The following MTMR9 variants were observed in gnomAD, a reference collection of about 807,000 sequenced individuals.
MTMR9 encodes the protein myotubularin-related protein 9.
A neutral mutation model predicts 69.5 loss-of-function variants in MTMR9; 39 were observed. The ratio of observed to expected loss-of-function variants is 0.56; its 90% confidence interval spans 0.43 to 0.73. The LOEUF (loss-of-function observed/expected upper bound fraction) is 0.73, where lower values mean the gene tolerates loss of function less well. MTMR9 is among the 30% of genes least tolerant of loss of function. The probability of loss-of-function intolerance (pLI) is 0.00; values close to 1 mark genes in which losing one functional copy is unlikely to be tolerated. For missense variants in MTMR9, 900 were observed against 671.2 expected (o/e 1.34, Z -3.77); for synonymous variants, 354 against 240.8 (o/e 1.47, Z -4.35).
At chr8:11,311,803 T>C (rs1410846226) in intron 6 of MTMR9, among the ~76,000 whole-genome samples, 1 of 152,220 alleles carries the variant, frequency 6.6e-6, no homozygotes, top group Admixed American at 6.5e-5. Flanking sequence ...TTACCCACGG[T>C]TGAACTTGCA....
the MTMR9 span, among the ~76,000 whole-genome samples, chr8:11,334,886 C>G: frequency 2.0e-5 from 3 of 152,042 alleles, no homozygotes; most frequent in Admixed American, 2.0e-4. Context: ...TCACAAAATC[C>G]AAAACTTTAT....
At chr8:11,301,013 A>T (rs1021012588) in intron 3 of MTMR9, among the ~76,000 whole-genome samples, 9 of 152,176 alleles carry the variant, frequency 5.9e-5, no homozygotes, top group African/African-American at 2.2e-4. Flanking sequence ...ATGAGACATC[A>T]GTGAATGGGT....
At chr8:11,310,075 G>T (rs1053485453) in intron 6 of MTMR9, among the ~76,000 whole-genome samples, 1 of 152,046 alleles carries the variant, frequency 6.6e-6, no homozygotes, top group Admixed American at 6.6e-5. Flanking sequence ...AAATATCAGC[G>T]AAAGGAAACG....
chr8:11,295,560 T>C (rs1799525794), intron 2 of MTMR9, among the ~76,000 whole-genome samples: 1 of 152,222 alleles, frequency 6.6e-6, no homozygotes, highest in African/African-American at 2.4e-5. Flanking sequence ...CCAATGGCTT[T>C]GTGGAATTTC....
At position 11,325,617 on chromosome 8, in the gene MTMR9, C is replaced by G. The variant is rs1011605418; in HGVS notation, c.*2829C>G. ...TAAAATACAAAGGATCACCACAATC[C>G]TCTATTGAACATATAAGGATCCTCA... On this transcript the variant is annotated 3_prime_UTR_variant, in exon 10 of 10. Coordinates refer to ENST00000221086, the MANE Select transcript of MTMR9 (RefSeq NM_015458.4). The G allele has an allele frequency of 4.0e-5, 6 of 151,526 alleles. No homozygotes were observed. Among genetic ancestry groups the G allele is most frequent in the Non-Finnish European group, 8.8e-5 (6 of 67,938 alleles). 9.4% of individuals were successfully genotyped at this position (151,526 alleles called of 1,614,324 possible).
Position 11,304,917 on chromosome 8 carries a change from C to T in MTMR9, c.494C>T (p.Pro165Leu). Residue 165 changes from proline (P) to leucine (L), a missense_variant, in exon 4 of 10, where the codon CCC (proline) becomes CTC (leucine). Transcript: ENST00000221086. ...CPSYPPIVTV[P>L]KSIDDEALRK... ...TCTTACCCACCAATTGTCACAGTGC[C>T]CAAATCCATCGATGATGAAGCTCTT... 6.2e-7 allele frequency: 1 copy of T among 1,614,048 alleles called. No homozygotes were observed. Among genetic ancestry groups the T allele is most frequent in the East Asian group, 2.2e-5 (1 of 44,886 alleles).
chr8:11,306,364 G>C lies in MTMR9; in HGVS notation c.766G>C (p.Ala256Pro), dbSNP rs141094130. Reference protein sequence around the residue: ...RAKGGGFEQEAHYPQWRRIHK... With the variant: ...RAKGGGFEQEPHYPQWRRIHK... ...CAAAGGAGGTGGCTTTGAACAAGAA[G>C]CTCATTATCCTCAGTGGAGGCGAAT... is the stretch of plus-strand genomic sequence containing the variant. Residue 256 changes from alanine (A) to proline (P), a missense_variant, in exon 5 of 10, where the codon GCT becomes CCT. Physicochemically the swap from Ala to Pro is conservative, Grantham distance 27. Transcript: ENST00000221086. The C allele has an allele frequency of 1.3e-5, 21 of 1,613,940 alleles. No individual in the cohort carries two copies. In the African/African-American group the frequency reaches 2.5e-4, roughly 19 times the overall value.
At chr8:11,285,783 C>A (rs894177134) in intron 1 of MTMR9, among the ~76,000 whole-genome samples, 1 of 152,106 alleles carries the variant, frequency 6.6e-6, no homozygotes, top group African/African-American at 2.4e-5. Context: ...TTCCCATCTC[C>A]TTAGTGGCTA....
At chr8:11,288,001 A>G (rs1415899756) in intron 1 of MTMR9, among the ~76,000 whole-genome samples, 1 of 123,914 alleles carries the variant, frequency 8.1e-6, no homozygotes, top group Non-Finnish European at 1.6e-5. Flanking sequence ...TATTACATAT[A>G]ATACATAGTA....
At chr8:11,331,261 G>A, downstream of MTMR9, 1 of 1,613,938 alleles carries the variant, frequency 6.2e-7, no homozygotes, top group Non-Finnish European at 8.5e-7. Flanking sequence ...CTGCCTGCTG[G>A]CTTCGTGGGC....
rs1270505781 is a variant in MTMR9, at chr8:11,325,821, G to T, written c.*3033G>T. On this transcript the variant is annotated 3_prime_UTR_variant, in exon 10 of 10. Transcript: ENST00000221086. The stretch of plus-strand genomic sequence containing the variant: ...AAGCAAGCAGAAATAGTAAAATTCA[G>T]TAGGTTTAAAACAATCTATAAATGT... 3 of 152,028 alleles carry T rather than the reference G, an allele frequency of 2.0e-5. No individual in the cohort carries two copies. Among genetic ancestry groups the T allele is most frequent in the Non-Finnish European group, 2.9e-5 (2 of 68,026 alleles). The allele number at this position is 152,028 out of a possible 1,614,324, so 9.4% of individuals were successfully genotyped here.
Position 11,324,910 on chromosome 8 carries a change from G to A in MTMR9, c.*2122G>A, listed in dbSNP as rs765633940. 2 of 152,294 alleles carry A rather than the reference G, an allele frequency of 1.3e-5. No individual in the cohort carries two copies. Among genetic ancestry groups the A allele is most frequent in the Non-Finnish European group, 2.9e-5 (2 of 68,106 alleles). 9.4% of individuals were successfully genotyped at this position (152,294 alleles called of 1,614,324 possible). A position where few individuals can be genotyped will look rare whatever the true frequency, so the allele number is the denominator to read the frequency against. ...CCACTGCTTCTGTTGATCGGCCATA[G>A]GGCTTCCATGGGTGGAAACTTGTGA... On this transcript the variant is annotated 3_prime_UTR_variant, in exon 10 of 10. Transcript: ENST00000221086.
intron 1 of MTMR9, among the ~76,000 whole-genome samples, chr8:11,290,649 C>T (rs1299266161): frequency 6.6e-6 from 1 of 152,072 alleles, no homozygotes; most frequent in Non-Finnish European, 1.5e-5. Context: ...CTATTTTTCT[C>T]CATAGAGCAA....
downstream of MTMR9, among the ~76,000 whole-genome samples, chr8:11,330,364 C>T (rs1043983425): frequency 6.6e-6 from 1 of 151,994 alleles, no homozygotes; most frequent in Non-Finnish European, 1.5e-5. Context: ...CCCGGCTGCC[C>T]CTTCTGGGAA....
chr8:11,291,263 C>G (rs918479991), intron 1 of MTMR9, among the ~76,000 whole-genome samples: 1 of 152,044 alleles, frequency 6.6e-6, no homozygotes, highest in Admixed American at 6.6e-5. Context: ...CTTTAAGTCC[C>G]TTAGTGGAAC....
Position 11,305,103 on chromosome 8 carries a change from T to C in MTMR9, c.591+89T>C, listed in dbSNP as rs565842298. The stretch of plus-strand genomic sequence containing the variant: ...ATGTTCCCTTTTGCTCTCTGTCTGT[T>C]CACTGAAATGATTGTCCAGGTCTCC... On this transcript the variant is annotated intron_variant, in intron 4 of 9. Transcript: ENST00000221086. The C allele has an allele frequency of 1.4e-5, 18 of 1,252,896 alleles. 1 individual carries two copies. The South Asian group carries it at 1.9e-4, about 13-fold the overall frequency. 77.6% of individuals were successfully genotyped at this position (1,252,896 alleles called of 1,614,324 possible). A position where few individuals can be genotyped will look rare whatever the true frequency, so the allele number is the denominator to read the frequency against.
downstream of MTMR9, chr8:11,330,842 G>A (rs1489203822): frequency 1.8e-6 from 1 of 547,216 alleles, no homozygotes; most frequent in African/African-American, 1.9e-5. Context: ...TTTATCTGCT[G>A]ACCTTCCCTC....
chr8:11,321,415 A>G, intron 9 of MTMR9: 1 of 456,354 alleles, frequency 2.2e-6, no homozygotes, highest in South Asian at 1.5e-5. Context: ...AATAACTGAA[A>G]TGAGCGTAGC....
intron 2 of MTMR9, among the ~76,000 whole-genome samples, chr8:11,298,168 T>G (rs1194423850): frequency 6.6e-6 from 1 of 152,170 alleles, no homozygotes; most frequent in African/African-American, 2.4e-5. Flanking sequence ...TCTCTCAGCA[T>G]TAATGTGTTT....
Sources: gnomAD v4.1 joint callset for allele counts (sites outside exome capture counted in the v4.1 genomes callset) on GRCh38, gnomAD v4.1.1 for gene constraint, MANE v1.5 for transcripts, NCBI Gene and HGNC (gene_info 2026-07-23, HGNC 2026-07-21) for gene names.